Variants in AFP observed in about 807,000 individuals in gnomAD.
AFP encodes the protein alpha fetoprotein.
AFP carries 64 observed loss-of-function variants against 78.9 expected under a neutral mutation model. That is an observed-to-expected ratio of 0.81 (90% CI 0.66 to 1.00). AFP has a LOEUF of 1.00. AFP is among the 50% of genes least tolerant of loss of function. The probability of loss-of-function intolerance (pLI) is 0.00; values close to 1 mark genes in which losing one functional copy is unlikely to be tolerated. For missense variants in AFP, 689 were observed against 703.8 expected, an observed-to-expected ratio of 0.98 and a Z score of 0.24; for synonymous variants, 254 against 243.8, an observed-to-expected ratio of 1.04 and a Z score of -0.39.
At chr4:73,450,459 T>C (rs753697527) in intron 10 of AFP, 156 bp from the exon 11 acceptor site, 8 of 978,652 alleles carry the variant, frequency 8.2e-6, no homozygotes, top group African/African-American at 1.6e-5. Context: ...TTAGAGTAAA[T>C]GCATCTCAAA....
intron 3 of AFP, among the ~76,000 whole-genome samples, chr4:73,439,088 A>C (rs1719591466): frequency 6.6e-6 from 1 of 152,166 alleles, no homozygotes; most frequent in Non-Finnish European, 1.5e-5. Context: ...ACAACAACAA[A>C]ACATAATACC....
intron 3 of AFP, 49 bp from the exon 4 acceptor site, chr4:73,440,553 T>C: frequency 6.7e-7 from 1 of 1,484,322 alleles, no homozygotes; most frequent in Non-Finnish European, 9.4e-7. Flanking sequence ...TTATAGATTT[T>C]TAAAGCAAAG....
At chr4:73,452,933 C>A (rs1447830570) in intron 12 of AFP, among the ~76,000 whole-genome samples, 3 of 152,166 alleles carry the variant, frequency 2.0e-5, no homozygotes, top group African/African-American at 7.2e-5. Flanking sequence ...TAGAGTGTAT[C>A]TTTGCAGCAA....
At chr4:73,450,967 G>A (rs1449745812) in intron 11 of AFP, among the ~76,000 whole-genome samples, 1 of 152,240 alleles carries the variant, frequency 6.6e-6, no homozygotes, top group East Asian at 1.9e-4. Flanking sequence ...GCTGGTGGAA[G>A]TTCAGCCAGT....
intron 14 of AFP, 83 bp from the exon 15 acceptor site, chr4:73,455,548 C>A (rs548381250): frequency 5.5e-4 from 364 of 655,876 alleles, no homozygotes; most frequent in Middle Eastern, 1.5e-3. Context: ...TCCAATATTT[C>A]TCTGATATAA....
In AFP at chr4:73,452,620, C is replaced by G. The variant is rs548331146; in HGVS notation, c.1648C>G (p.Gln550Glu). 417 of 1,607,278 alleles carry G rather than the reference C, an allele frequency of 2.6e-4. 4 individuals carry two copies. In the South Asian group the frequency reaches 3.6e-3, roughly 14 times the overall value. The stretch of plus-strand genomic sequence containing the variant: ...GGGTGTAGCGCTGCAAACAATGAAG[C>G]AAGAGTAAGAAACTGTTACTTGCTA... ...AQGVALQTMKQEFLINLVKQK... is the reference protein window; with the variant it reads ...AQGVALQTMKEEFLINLVKQK... Residue 550 changes from glutamine (Q) to glutamate (E), a missense_variant, in exon 12 of 15, where the codon CAA becomes GAA. Physicochemically the swap from Gln to Glu is conservative, Grantham distance 29 (BLOSUM62 2). Transcript: ENST00000395792.
chr4:73,439,489 A>G (rs1438607215), intron 3 of AFP, among the ~76,000 whole-genome samples: 1 of 152,228 alleles, frequency 6.6e-6, no homozygotes. Context: ...TTTACAACCA[A>G]TTAGAGGTTC....
At chr4:73,455,494 T>C (rs2149337703) in intron 14 of AFP, 137 bp from the exon 15 acceptor site, 1 of 642,128 alleles carries the variant, frequency 1.6e-6, no homozygotes, top group Admixed American at 2.8e-5. Flanking sequence ...TTTTTGGTTA[T>C]TTAAAAGACT....
chr4:73,450,564 A>G (rs1719962240), intron 10 of AFP, 51 bp from the exon 11 acceptor site: 1 of 1,613,338 alleles, frequency 6.2e-7, no homozygotes, highest in Non-Finnish European at 8.5e-7. Context: ...CAAGGCGGCT[A>G]AAAACTCATG....
At chr4:73,441,370 TC>T (rs533358483) in intron 4 of AFP, among the ~76,000 whole-genome samples, 118 of 151,222 alleles carry the variant, frequency 7.8e-4, no homozygotes, top group African/African-American at 2.7e-3. Flanking sequence ...ATCGAGACCA[TC>T]CTGGCTAACA....
In AFP at chr4:73,452,529, A is replaced by G. The variant is rs778568059; in HGVS notation, c.1557A>G (p.Glu519=). 1.2e-6 allele frequency: 2 copies of G among 1,614,124 alleles called. No homozygotes were observed. The highest frequency in any genetic ancestry group is 2.2e-5 in the South Asian group (2 of 91,088). Residue 519 remains glutamate (E), a synonymous_variant, in exon 12 of 15, where the codon GAA becomes GAG. Transcript: ENST00000395792. ...RPCFSSLVVD[E]TYVPPAFSDD... ...GCTTCAGCAGCTTGGTGGTGGATGA[A>G]ACATATGTCCCTCCTGCATTCTCTG...
chr4:73,437,053 C>CT (rs1324395587), intron 1 of AFP, 107 bp from the exon 2 acceptor site: 1 of 870,510 alleles, frequency 1.1e-6, no homozygotes, highest in Non-Finnish European at 1.9e-6. Context: ...TCTTTTAATT[C>CT]TGAAACTGTA....
rs1450902578 is a variant in AFP at position 73,455,723 on chromosome 4, TAA to T, written c.*105_*106del. 5.9e-6 allele frequency: 4 copies of T among 680,156 alleles called. No homozygotes were observed. Among genetic ancestry groups the T allele is most frequent in the African/African-American group, 1.8e-5 (1 of 55,896 alleles). 42.1% of individuals were successfully genotyped at this position (680,156 alleles called of 1,614,324 possible). Reference sequence around the variant, plus strand: ...CACTTTTTGTGAATTAATGAAATGATAAAGACTTTTATGTGAGATTTCCTTAT... The same window carrying T: ...CACTTTTTGTGAATTAATGAAATGATAGACTTTTATGTGAGATTTCCTTAT... On this transcript the variant is annotated 3_prime_UTR_variant, in exon 15 of 15. Coordinates refer to ENST00000395792, the MANE Select transcript of AFP (RefSeq NM_001134.3).
chr4:73,436,305 T>C lies in AFP; in HGVS notation c.43T>C (p.Phe15Leu). ...AATTTTTTTAATTTTCCTACTAAAT[T>C]TTACTGAATCCAGAACACTGCATAG... ...ESIFLIFLLN[F>L]TESRTLHRNE... Residue 15 changes from phenylalanine (F) to leucine (L), a missense_variant, in exon 1 of 15, where the codon TTT (phenylalanine) becomes CTT (leucine). By Grantham distance (22) the Phe-to-Leu change is conservative (BLOSUM62 0). Transcript: ENST00000395792. The C allele has an allele frequency of 1.2e-6, 2 of 1,604,858 alleles. No individual in the cohort carries two copies. Among genetic ancestry groups the C allele is most frequent in the Non-Finnish European group, 8.5e-7 (1 of 1,173,258 alleles).
intron 12 of AFP, 68 bp from the exon 13 acceptor site, chr4:73,453,697 G>A: frequency 1.9e-6 from 3 of 1,572,556 alleles, no homozygotes; most frequent in Non-Finnish European, 1.7e-6. Flanking sequence ...TTCTCTACTA[G>A]GAAGGCTGTA....
At position 73,453,904 on chromosome 4, in the gene AFP, G is replaced by A. The variant is rs773992214; in HGVS notation, c.1785+7G>A. ...AGTCTGCTTTGCTGAAGAGGTACAT[G>A]CAGCTCATTTCATACTCAAAATACT... On this transcript the variant is annotated splice_region_variant and intron_variant, in intron 13 of 14. Coordinates refer to ENST00000395792, the MANE Select transcript of AFP (RefSeq NM_001134.3). 5.6e-6 allele frequency: 9 copies of A among 1,613,362 alleles called. No homozygotes were observed. In the African/African-American group the frequency reaches 8.0e-5, roughly 14 times the overall value.
At position 73,452,623 on chromosome 4, in the gene AFP, G is replaced by T. The variant is rs191300110; in HGVS notation, c.1651G>T (p.Glu551Ter). The change falls in exon 12 of 15, where the codon GAG becomes TAG. Residue 551 changes from glutamate to a stop codon, truncating the protein, a stop_gained and splice_region_variant. Transcript: ENST00000395792. LOFTEE classifies it high-confidence loss of function. ...QGVALQTMKQ[E>*]FLINLVKQKP... ...TGTAGCGCTGCAAACAATGAAGCAA[G>T]AGTAAGAAACTGTTACTTGCTAGCA... The T allele has an allele frequency of 1.5e-5, 24 of 1,606,508 alleles. No homozygotes were observed. The East Asian group carries it at 4.9e-4, about 33-fold the overall frequency.
rs1719967871 is a variant in AFP at position 73,450,696 on chromosome 4, A to G, written c.1371A>G (p.Thr457=). The G allele has an allele frequency of 3.7e-6, 6 of 1,614,016 alleles. No homozygotes were observed. Among genetic ancestry groups the G allele is most frequent in the Admixed American group, 1.7e-5 (1 of 60,006 alleles). ...CCATCACCAGAAAAATGGCAGCCAC[A>G]GCAGCCACTTGTTGCCAACTCAGTG... ...LMAITRKMAA[T]AATCCQLSED... Residue 457 remains threonine (T), a synonymous_variant, in exon 11 of 15, where the codon ACA becomes ACG. Transcript: ENST00000395792.
In AFP at chr4:73,438,323, A is replaced by T. The variant is rs545033534; in HGVS notation, c.270+17A>T. 18 of 1,603,964 alleles carry T rather than the reference A, an allele frequency of 1.1e-5. No homozygotes were observed. The African/African-American group carries it at 1.5e-4, about 13-fold the overall frequency. On this transcript the variant is annotated intron_variant, in intron 3 of 14. Coordinates refer to ENST00000395792, the MANE Select transcript of AFP (RefSeq NM_001134.3). ...GAAAACCAGGTGAGTGAATAATTTT[A>T]AAAAAGCATTGTGATATTTGACAAA...
Sources: gnomAD v4.1 joint callset for allele counts (sites outside exome capture counted in the v4.1 genomes callset) on GRCh38, gnomAD v4.1.1 for gene constraint, MANE v1.5 for transcripts, NCBI Gene and HGNC (gene_info 2026-07-23, HGNC 2026-07-21) for gene names.